The following ADCY8 variants were observed in gnomAD, a reference collection of about 807,000 sequenced individuals.
ADCY8 encodes the protein adenylate cyclase type 8.
In ADCY8, 51 loss-of-function variants were observed where a neutral mutation model predicts 119.7. The ratio of observed to expected loss-of-function variants is 0.43; its 90% CI spans 0.34 to 0.54. The LOEUF is 0.54. Among genes scored for constraint, ADCY8 ranks in the 20% least tolerant of loss-of-function variants. The pLI is 0.03. For synonymous variants in ADCY8, 665 were observed against 651.0 expected, an observed-to-expected ratio of 1.02 and a Z score of -0.33; for missense variants, 1,383 against 1,598.8, an observed-to-expected ratio of 0.87 and a Z score of 2.30.
chr8:130,788,921 A>G (rs1815340035), intron 15 of ADCY8, among the ~76,000 whole-genome samples: 1 of 152,222 alleles, frequency 6.6e-6, no homozygotes, highest in Admixed American at 6.5e-5. Flanking sequence ...CCAGATATTA[A>G]AGAGTACCTA....
At chr8:130,850,191 C>T (rs566353858) in intron 9 of ADCY8, among the ~76,000 whole-genome samples, 1 of 152,270 alleles carries the variant, frequency 6.6e-6, no homozygotes, top group East Asian at 1.9e-4. Context: ...TTTCCCCCTC[C>T]ACCTATCCTG....
intron 9 of ADCY8, among the ~76,000 whole-genome samples, chr8:130,855,346 G>T (rs1369323926): frequency 3.3e-5 from 5 of 152,090 alleles, no homozygotes; most frequent in Non-Finnish European, 7.4e-5. Context: ...TGGGGTAAAT[G>T]GGCTACCCAA....
chr8:130,976,378 T>C (rs1822072739), intron 2 of ADCY8, among the ~76,000 whole-genome samples: 1 of 152,190 alleles, frequency 6.6e-6, no homozygotes, highest in African/African-American at 2.4e-5. Flanking sequence ...CGGAAGATGC[T>C]AACACCTTGG....
intron 2 of ADCY8, among the ~76,000 whole-genome samples, chr8:130,967,761 G>A (rs1039127908): frequency 6.6e-6 from 1 of 151,984 alleles, no homozygotes; most frequent in African/African-American, 2.4e-5. Context: ...TTTATTAGCA[G>A]TTCTAAAATA....
chr8:130,797,847 C>T (rs377642186), intron 15 of ADCY8, among the ~76,000 whole-genome samples: 5 of 152,190 alleles, frequency 3.3e-5, no homozygotes, highest in African/African-American at 1.2e-4. Context: ...AGGGCAACTA[C>T]GGTGACCATG....
intron 1 of ADCY8, among the ~76,000 whole-genome samples, chr8:131,011,686 A>G (rs1054149946): frequency 2.6e-5 from 4 of 152,282 alleles, no homozygotes; most frequent in Middle Eastern, 3.4e-3. Context: ...CTTGGGGAGA[A>G]TACTGTAGGT....
In ADCY8 at chr8:130,838,810, G is replaced by C. The variant is rs188503348; in HGVS notation, c.2503-2361C>G. Among the ~76,000 whole-genome samples the C allele has an allele frequency of 3.5e-5, 5 of 141,264 alleles. 1 individual carries two copies. Among genetic ancestry groups the C allele is most frequent in the Admixed American group, 2.1e-4 (3 of 14,046 alleles). 92.7% of individuals were successfully genotyped at this position (141,264 alleles called of 152,430 possible). ...ATGGCCCAGGCCTAAAGGAAGTCGT[G>C]GTCTAAAATGTAAAGCAGACATAAA... is the stretch of plus-strand genomic sequence containing the variant. On this transcript the variant is annotated intron_variant, in intron 11 of 17. Transcript: ENST00000286355.
chr8:130,961,311 T>A (rs865983648), intron 2 of ADCY8, among the ~76,000 whole-genome samples: 1 of 152,096 alleles, frequency 6.6e-6, no homozygotes, highest in African/African-American at 2.4e-5. Context: ...GGTTTCATCA[T>A]GCTGGCCAGG....
chr8:130,849,568 G>C (rs1235846039), intron 10 of ADCY8, 34 bp downstream of exon 10: 17 of 1,605,412 alleles, frequency 1.1e-5, no homozygotes, highest in Non-Finnish European at 1.5e-5. Flanking sequence ...CTGCACACTA[G>C]ACACCAGAGG....
At chr8:130,871,376 C>G (rs1042757340) in intron 8 of ADCY8, among the ~76,000 whole-genome samples, 1 of 152,190 alleles carries the variant, frequency 6.6e-6, no homozygotes, top group Admixed American at 6.5e-5. Flanking sequence ...TGAATCCCAG[C>G]TCTAACACCT....
In ADCY8 at chr8:130,952,007, A is replaced by C; in HGVS notation, c.1111-9T>G. The C allele has an allele frequency of 6.2e-7, 1 of 1,613,830 alleles. No individual in the cohort carries two copies. Among genetic ancestry groups the C allele is most frequent in the Non-Finnish European group, 8.5e-7 (1 of 1,179,838 alleles). ...GAAAGCACGAGCCGCTCCTGGAACA[A>C]ATGAAGAGGGACGGTCCTGTTAGGC... On this transcript the variant is annotated splice_polypyrimidine_tract_variant and intron_variant, in intron 2 of 17. Coordinates refer to ENST00000286355, the MANE Select transcript of ADCY8 (RefSeq NM_001115.3).
chr8:131,007,592 T>C (rs1823163335), intron 1 of ADCY8, among the ~76,000 whole-genome samples: 1 of 152,240 alleles, frequency 6.6e-6, no homozygotes, highest in African/African-American at 2.4e-5. Context: ...CAGCATACAG[T>C]AGATGCCCAG....
At chr8:130,891,237 G>T (rs1308715147) in intron 7 of ADCY8, among the ~76,000 whole-genome samples, 1 of 152,026 alleles carries the variant, frequency 6.6e-6, no homozygotes, top group Non-Finnish European at 1.5e-5. Flanking sequence ...AAAGGCAGAG[G>T]TTCCACCTTT....
chr8:130,899,116 T>A (rs1466477654), intron 7 of ADCY8, among the ~76,000 whole-genome samples: 1 of 152,226 alleles, frequency 6.6e-6, no homozygotes, highest in Non-Finnish European at 1.5e-5. Context: ...GTGTCTGCAC[T>A]GCTTTTCCTC....
chr8:130,916,125 T>G (rs1327602684), intron 5 of ADCY8, among the ~76,000 whole-genome samples: 1 of 152,210 alleles, frequency 6.6e-6, no homozygotes, highest in African/African-American at 2.4e-5. Flanking sequence ...ACACAGTTAT[T>G]GATGGACTAG....
intron 2 of ADCY8, among the ~76,000 whole-genome samples, chr8:130,963,930 C>T (rs536315792): frequency 7.2e-4 from 109 of 152,270 alleles, no homozygotes; most frequent in South Asian, 2.1e-3. Flanking sequence ...AGAAATAAGA[C>T]GTGCTTATCA....
chr8:130,826,288 T>C lies in ADCY8; in HGVS notation c.2676-4868A>G, dbSNP rs188188402. Among the ~76,000 whole-genome samples the C allele has an allele frequency of 1.0e-3, 156 of 152,300 alleles. 2 individuals are homozygous for C. Among genetic ancestry groups the C allele is most frequent in the African/African-American group, 3.4e-3 (141 of 41,568 alleles). On this transcript the variant is annotated intron_variant, in intron 12 of 17. Coordinates refer to ENST00000286355, the MANE Select transcript of ADCY8 (RefSeq NM_001115.3). ...GACATATGAACTATTAAGTATTGTA[T>C]ATATATGAGAGAAAATTGATATATG...
intron 1 of ADCY8, among the ~76,000 whole-genome samples, chr8:131,021,929 T>C (rs1040485660): frequency 1.3e-5 from 2 of 152,146 alleles, no homozygotes; most frequent in Non-Finnish European, 2.9e-5. Flanking sequence ...TTCAAACATA[T>C]GCAAAAACAA....
chr8:130,919,432 G>A (rs1440540523), intron 5 of ADCY8, among the ~76,000 whole-genome samples: 1 of 152,158 alleles, frequency 6.6e-6, no homozygotes, highest in South Asian at 2.1e-4. Flanking sequence ...CATGTAAAGG[G>A]GTTGATCTCT....
Sources: gnomAD v4.1 joint callset for allele counts (sites outside exome capture counted in the v4.1 genomes callset) on GRCh38, gnomAD v4.1.1 for gene constraint, MANE v1.5 for transcripts, NCBI Gene and HGNC (gene_info 2026-07-23, HGNC 2026-07-21) for gene names.